STRC: variants seen among roughly 807,000 people sequenced by gnomAD.
STRC encodes stereocilin.
A neutral mutation model predicts 103.5 loss-of-function variants in STRC; 43 were observed. That is an observed-to-expected ratio of 0.42 (90% CI 0.33 to 0.54). The LOEUF is 0.54. Ranked by LOEUF, STRC falls within the 20% of genes least tolerant of loss-of-function variation. STRC has a pLI of 0.14. For synonymous variants in STRC, 186 were observed against 442.3 expected (o/e 0.42, Z 7.27); for missense variants, 499 against 1,088.5 (o/e 0.46, Z 7.62).
At chr15:43,617,016 T>G (rs1433038647) in intron 3 of STRC, among the ~76,000 whole-genome samples, 1 of 152,186 alleles carries the variant, frequency 6.6e-6, no homozygotes, top group Non-Finnish European at 1.5e-5. Context: ...GGAAATCTGC[T>G]CAGCAACTCA....
rs760764681 is a variant in STRC, at chr15:43,604,193, G to C, written c.4219-41C>G. The C allele has an allele frequency of 1.9e-6, 3 of 1,607,182 alleles. No individual in the cohort carries two copies. In the East Asian group the frequency reaches 6.7e-5, roughly 36 times the overall value. Reference sequence around the variant, plus strand: ...GAAGGAGAGTGGGGAGATCTGGACAGATCAGGACCTGCTGCTATAGCTCTA... The same window carrying C: ...GAAGGAGAGTGGGGAGATCTGGACACATCAGGACCTGCTGCTATAGCTCTA... On this transcript the variant is annotated intron_variant, in intron 21 of 28. Coordinates refer to ENST00000450892, the MANE Select transcript of STRC (RefSeq NM_153700.2).
Position 43,600,599 on chromosome 15 carries a change from G to T in STRC, c.4928C>A (p.Pro1643His), listed in dbSNP as rs550560949. ...GTTACTGATTGGGCCAAACCCACCA[G>T]GCAGTACAAGTAGGTGGGCCAGAAC... Reference protein sequence around the residue: ...LEVLAHLLVLPGGFGPISNWG... With the variant: ...LEVLAHLLVLHGGFGPISNWG... Residue 1643 changes from proline to histidine, a missense_variant, in exon 26 of 29, where the codon CCT becomes CAT. Pro to His is a moderately conservative substitution (Grantham distance 77). Transcript: ENST00000450892. 4.5e-5 allele frequency: 72 copies of T among 1,613,710 alleles called. No individual in the cohort carries two copies. In the South Asian group the frequency reaches 7.1e-4, roughly 16 times the overall value.
chr15:43,605,462 A>C (rs1350251377), intron 18 of STRC, 63 bp from the exon 19 acceptor site: 59 of 1,556,200 alleles, frequency 3.8e-5, no homozygotes, highest in Non-Finnish European at 4.8e-5. Flanking sequence ...AGAAGGGACC[A>C]CAAAACCCCA....
chr15:43,607,035 G>T (rs1490482223), intron 18 of STRC, among the ~76,000 whole-genome samples: 17 of 150,200 alleles, frequency 1.1e-4, no homozygotes, highest in Non-Finnish European at 2.4e-4. Context: ...AAAAAAGTAG[G>T]AATGAAGTCA....
chr15:43,603,249 G>T lies in STRC; in HGVS notation c.4538C>A (p.Ala1513Glu), dbSNP rs754183789. Reference sequence around the variant, plus strand: ...TGGCTCTCCATCCCTAACCTGTTTTGCTTTGCCCATGGCTGCCCGCAGTTC... The same window carrying T: ...TGGCTCTCCATCCCTAACCTGTTTTTCTTTGCCCATGGCTGCCCGCAGTTC... ...PEELRAAMGK[A>E]KQLWGPPRGF... The change falls in exon 23 of 29, where the codon GCA (alanine) becomes GAA (glutamate). Residue 1513 changes from alanine (A) to glutamate (E), a missense_variant. Coordinates refer to ENST00000450892, the MANE Select transcript of STRC (RefSeq NM_153700.2). The T allele has an allele frequency of 6.2e-7, 1 of 1,613,432 alleles. No individual in the cohort carries two copies. Among genetic ancestry groups the T allele is most frequent in the Non-Finnish European group, 8.5e-7 (1 of 1,179,738 alleles).
chr15:43,600,622 A>C lies in STRC; in HGVS notation c.4905T>G (p.Val1635=). ...CAGGCAGTACAAGTAGGTGGGCCAG[A>C]ACCTCCAGTTGTTCCTCAGAGCACT... ...HLQCSEEQLE[V]LAHLLVLPGG... The change falls in exon 26 of 29, where the codon GTT becomes GTG. Residue 1635 remains valine, a synonymous_variant. Coordinates refer to ENST00000450892, the MANE Select transcript of STRC (RefSeq NM_153700.2). 1 of 1,613,800 alleles carries C rather than the reference A, an allele frequency of 6.2e-7. No individual in the cohort carries two copies. Among genetic ancestry groups the C allele is most frequent in the South Asian group, 1.1e-5 (1 of 91,058 alleles).
At position 43,605,082 on chromosome 15, in the gene STRC, G is replaced by A. The variant is rs940089476; in HGVS notation, c.3930+182C>T. The stretch of plus-strand genomic sequence containing the variant: ...ACTCCAAGAGGTATGGACAAGTAAC[G>A]TGAAGCATATTATCAAGGAACAGAA... On this transcript the variant is annotated intron_variant, in intron 19 of 28. Transcript: ENST00000450892. 1.5e-5 allele frequency: 17 copies of A among 1,130,210 alleles called. No homozygotes were observed. The African/African-American group carries it at 1.6e-4, about 10-fold the overall frequency. The allele number at this position is 1,130,210 out of a possible 1,614,324, so 70.0% of individuals were successfully genotyped here.
At chr15:43,601,878 G>C (rs1472601423) in intron 23 of STRC, among the ~76,000 whole-genome samples, 1 of 151,722 alleles carries the variant, frequency 6.6e-6, no homozygotes. Context: ...CCAGCACTTT[G>C]GGAGGCTGAG....
At chr15:43,605,081 C>G in intron 19 of STRC, 183 bp downstream of exon 19, 1 of 1,108,120 alleles carries the variant, frequency 9.0e-7, no homozygotes, top group Non-Finnish European at 1.3e-6. Context: ...GGACAAGTAA[C>G]GTGAAGCATA....
rs201633242 is a variant in STRC, at chr15:43,601,504, A to C, written c.4593T>G (p.Leu1531=). 1.9e-6 allele frequency: 3 copies of C among 1,613,846 alleles called. No individual in the cohort carries two copies. In the East Asian group the frequency reaches 6.7e-5, roughly 36 times the overall value. The change falls in exon 24 of 29, where the codon CTT becomes CTG. Residue 1531 remains leucine, a synonymous_variant. Coordinates refer to ENST00000450892, the MANE Select transcript of STRC (RefSeq NM_153700.2). ...CTCCTAGACCTATTAAGAGCCTACCAAGCTGCAGGATCTGCTCAGGACGAA... is the reference window on the plus strand; with the variant it reads ...CTCCTAGACCTATTAAGAGCCTACCCAGCTGCAGGATCTGCTCAGGACGAA... ...RGFRPEQILQ[L]GRLLIGLGDR...
intron 18 of STRC, among the ~76,000 whole-genome samples, chr15:43,607,592 A>G (rs2141525822): frequency 7.1e-6 from 1 of 140,186 alleles, no homozygotes; most frequent in Middle Eastern, 3.7e-3. Flanking sequence ...GCTCTGTCTC[A>G]ATCTCAATTA....
intron 22 of STRC, 84 bp from the exon 23 acceptor site, chr15:43,603,495 A>C (rs1385476288): frequency 9.8e-6 from 14 of 1,435,256 alleles, no homozygotes; most frequent in Non-Finnish European, 1.2e-5. Flanking sequence ...TGAGTCTTCC[A>C]ACCTTTGGAG....
chr15:43,603,501 T>C, intron 22 of STRC, 90 bp from the exon 23 acceptor site: 3 of 1,376,692 alleles, frequency 2.2e-6, no homozygotes, highest in Non-Finnish European at 3.1e-6. Context: ...TTCCAACCTT[T>C]GGAGGATAGA....
chr15:43,607,978 G>A lies in STRC; in HGVS notation c.3682-3C>T. 6.2e-7 allele frequency: 1 copy of A among 1,610,744 alleles called. No homozygotes were observed. Among genetic ancestry groups the A allele is most frequent in the Non-Finnish European group, 8.5e-7 (1 of 1,179,482 alleles). On this transcript the variant is annotated splice_region_variant and splice_polypyrimidine_tract_variant and intron_variant, in intron 17 of 28. Coordinates refer to ENST00000450892, the MANE Select transcript of STRC (RefSeq NM_153700.2). Reference sequence around the variant, plus strand: ...AGCTCTGCCCAGATACAGGCCCTCTGTAGGGAAGCAGTGTGAGGCCAGAGC... The same window carrying A: ...AGCTCTGCCCAGATACAGGCCCTCTATAGGGAAGCAGTGTGAGGCCAGAGC...
chr15:43,604,638 G>A lies in STRC; in HGVS notation c.4127+12C>T, dbSNP rs763071689. The A allele has an allele frequency of 6.8e-6, 11 of 1,613,516 alleles. No homozygotes were observed. Among genetic ancestry groups the A allele is most frequent in the African/African-American group, 2.7e-5 (2 of 74,908 alleles). ...GAATGAGTTAGAATCTGAAGTTCTC[G>A]AAGGTCCATACCCAAGAACAGACTC... On this transcript the variant is annotated intron_variant, in intron 20 of 28. Transcript: ENST00000450892.
chr15:43,606,593 C>CT (rs1181145250), intron 18 of STRC, among the ~76,000 whole-genome samples: 1 of 145,654 alleles, frequency 6.9e-6, no homozygotes, highest in Non-Finnish European at 1.5e-5. Context: ...GAGCGAGACT[C>CT]TGTCTCAAAA....
At chr15:43,604,505 A>C in intron 20 of STRC, 54 bp from the exon 21 acceptor site, 1 of 1,582,712 alleles carries the variant, frequency 6.3e-7, no homozygotes, top group Non-Finnish European at 8.6e-7. Flanking sequence ...TGTGAGGAAA[A>C]GGAAGGGGAA....
rs1257261833 is a variant in STRC at position 43,603,305 on chromosome 15, T to C, written c.4482A>G (p.Leu1494=). 1.9e-6 allele frequency: 3 copies of C among 1,613,830 alleles called. No individual in the cohort carries two copies. The South Asian group carries it at 3.3e-5, about 18-fold the overall frequency. The stretch of plus-strand genomic sequence containing the variant: ...GCCCAAGTCCTGGGTCTCCTGCAAA[T>C]AATGTCAGGCAGTCCTCAAAGTCTG... ...ELSDFEDCLT[L]FAGDPGLGPE... is the part of the protein sequence containing the mutation. The change falls in exon 23 of 29, where the codon TTA becomes TTG. Residue 1494 remains leucine (L), a synonymous_variant. Coordinates refer to ENST00000450892, the MANE Select transcript of STRC (RefSeq NM_153700.2).
In STRC at chr15:43,603,177, T is replaced by C. The variant is rs1010736711; in HGVS notation, c.4545+65A>G. ...CTCTCATCCAACTCTCCATTCTCTTTGTGTCCTACATCACACCCAAATAGC... is the reference window on the plus strand; with the variant it reads ...CTCTCATCCAACTCTCCATTCTCTTCGTGTCCTACATCACACCCAAATAGC... On this transcript the variant is annotated intron_variant, in intron 23 of 28. Coordinates refer to ENST00000450892, the MANE Select transcript of STRC (RefSeq NM_153700.2). 2.1e-5 allele frequency: 33 copies of C among 1,556,304 alleles called. No homozygotes were observed. The Admixed American group carries it at 4.7e-4, about 22-fold the overall frequency.
Sources: gnomAD v4.1 joint callset for allele counts (sites outside exome capture counted in the v4.1 genomes callset) on GRCh38, gnomAD v4.1.1 for gene constraint, MANE v1.5 for transcripts, NCBI Gene and HGNC (gene_info 2026-07-23, HGNC 2026-07-21) for gene names.